FANK1: variants seen among roughly 807,000 people sequenced by gnomAD.
FANK1 encodes fibronectin type III and ankyrin repeat domains 1, also known as fibronectin type 3 and ankyrin repeat domains protein 1.
A neutral mutation model predicts 45.3 loss-of-function variants in FANK1; 44 were observed. The ratio of observed to expected loss-of-function variants is 0.97; its 90% CI spans 0.76 to 1.25. The LOEUF (loss-of-function observed/expected upper bound fraction) is 1.25, where lower values mean the gene tolerates loss of function less well. FANK1 is among the 50% of genes most tolerant of loss of function. The pLI is 0.00. For synonymous variants in FANK1, 149 were observed against 152.5 expected, an observed-to-expected ratio of 0.98 and a Z score of 0.17; for missense variants, 391 against 424.4, an observed-to-expected ratio of 0.92 and a Z score of 0.69.
At chr10:125,990,333 A>G (rs754773750) in intron 3 of FANK1, among the ~76,000 whole-genome samples, 3 of 152,162 alleles carry the variant, frequency 2.0e-5, no homozygotes, top group African/African-American at 4.8e-5. Context: ...GTTCAAGGCT[A>G]CAGTGAGCTA....
At position 125,970,328 on chromosome 10, in the gene FANK1, C is replaced by T. The variant is rs575719123; in HGVS notation, c.14-9833C>T. 3.4e-4 allele frequency among the ~76,000 whole-genome samples: 52 copies of T among 151,252 alleles called. 1 individual carries two copies. The highest frequency in any genetic ancestry group is 6.3e-4 in the African/African-American group (26 of 41,238). ...AGACGGGGCGGCGGCCGGGCGGAGG[C>T]GCTCCTCACCTCCCAGATGGGGCGG... On this transcript the variant is annotated intron_variant, in intron 1 of 10. Coordinates refer to ENST00000368693, the MANE Select transcript of FANK1 (RefSeq NM_145235.5).
intron 1 of FANK1, among the ~76,000 whole-genome samples, chr10:125,923,809 C>A (rs78888248): frequency 7.4e-6 from 1 of 134,670 alleles, no homozygotes; most frequent in Non-Finnish European, 1.6e-5. Context: ...ATTACAGGTG[C>A]GAGCCATCGT....
chr10:125,949,412 TCAG>T (rs1430609121), intron 1 of FANK1, among the ~76,000 whole-genome samples: 1 of 152,144 alleles, frequency 6.6e-6, no homozygotes, highest in Non-Finnish European at 1.5e-5. Flanking sequence ...ATAAACAACT[TCAG>T]CAAAGTCTCA....
At chr10:125,981,089 CAGTG>C (rs1407268674) in intron 2 of FANK1, among the ~76,000 whole-genome samples, 6 of 152,214 alleles carry the variant, frequency 3.9e-5, no homozygotes, top group Non-Finnish European at 2.9e-5. Flanking sequence ...GTATTAAACT[CAGTG>C]AGAGACAAAT....
At chr10:125,927,531 A>G (rs796498768) in intron 1 of FANK1, among the ~76,000 whole-genome samples, 5 of 151,438 alleles carry the variant, frequency 3.3e-5, no homozygotes, top group East Asian at 1.9e-4. Flanking sequence ...GCTTGGGTCC[A>G]TTATGAGTAA....
chr10:125,946,546 G>A (rs1201885620), intron 1 of FANK1, among the ~76,000 whole-genome samples: 1 of 151,706 alleles, frequency 6.6e-6, no homozygotes, highest in Non-Finnish European at 1.5e-5. Flanking sequence ...AGTGAGAAGG[G>A]AAGTTTAGAG....
At chr10:125,927,864 A>T (rs1234774348) in intron 1 of FANK1, among the ~76,000 whole-genome samples, 1 of 152,052 alleles carries the variant, frequency 6.6e-6, no homozygotes, top group East Asian at 1.9e-4. Flanking sequence ...TCTTGTACTT[A>T]CCTTTTGGTG....
At chr10:125,987,132 C>T (rs1338727443) in intron 2 of FANK1, among the ~76,000 whole-genome samples, 1 of 151,808 alleles carries the variant, frequency 6.6e-6, no homozygotes, top group East Asian at 1.9e-4. Flanking sequence ...TTGACTGCCC[C>T]TTTTCTTGGA....
intron 1 of FANK1, among the ~76,000 whole-genome samples, chr10:125,906,515 C>CAA (rs34132526): frequency 0.01 from 469 of 46,378 alleles, 30 homozygotes; most frequent in African/African-American, 0.019. Flanking sequence ...GACTCTGTCT[C>CAA]AAAAAAAAAA....
At chr10:125,989,710 A>G (rs990906146) in intron 3 of FANK1, among the ~76,000 whole-genome samples, 1 of 152,230 alleles carries the variant, frequency 6.6e-6, no homozygotes, top group Non-Finnish European at 1.5e-5. Flanking sequence ...TCGTTCCTTC[A>G]TCCGACAGTG....
intron 1 of FANK1, among the ~76,000 whole-genome samples, chr10:125,929,847 GTACACCCTAT>G (rs1321803819): frequency 3.3e-5 from 5 of 152,076 alleles, no homozygotes; most frequent in Non-Finnish European, 2.9e-5. Flanking sequence ...TCTACTTGAG[GTACACCCTAT>G]GTAAATGAAG....
intron 2 of FANK1, among the ~76,000 whole-genome samples, chr10:125,984,708 A>C (rs911726676): frequency 3.9e-5 from 6 of 152,206 alleles, no homozygotes; most frequent in African/African-American, 1.4e-4. Flanking sequence ...AAGTCTGGTA[A>C]CTGAGTCTTG....
At chr10:125,935,298 C>T (rs946853472) in intron 1 of FANK1, among the ~76,000 whole-genome samples, 5 of 152,288 alleles carry the variant, frequency 3.3e-5, no homozygotes, top group African/African-American at 1.2e-4. Context: ...AGGCAGGGGC[C>T]GCATCTGAGC....
At chr10:125,928,261 C>CT (rs34889746) in intron 1 of FANK1, among the ~76,000 whole-genome samples, 31,340 of 137,318 alleles carry the variant, frequency 0.23, 3,748 homozygotes, top group East Asian at 0.35. Flanking sequence ...TTATTCGTGC[C>CT]TTTTTTTTTT....
At chr10:125,927,972 G>A (rs1589895983) in intron 1 of FANK1, among the ~76,000 whole-genome samples, 1 of 152,122 alleles carries the variant, frequency 6.6e-6, no homozygotes, top group South Asian at 2.1e-4. Context: ...ATTTTGCAGT[G>A]GCTATATCAG....
intron 1 of FANK1, among the ~76,000 whole-genome samples, chr10:125,976,711 C>T (rs540291732): frequency 6.6e-6 from 1 of 152,242 alleles, no homozygotes; most frequent in African/African-American, 2.4e-5. Flanking sequence ...CAGTCTCTGC[C>T]TCCCAGGTTC....
At chr10:125,909,357 A>G (rs914239938) in intron 1 of FANK1, among the ~76,000 whole-genome samples, 3 of 152,160 alleles carry the variant, frequency 2.0e-5, no homozygotes, top group Non-Finnish European at 4.4e-5. Flanking sequence ...ACTGTTTTCA[A>G]AGAAACAGCT....
chr10:125,909,845 CTTTGT>C (rs1302855082), intron 1 of FANK1, among the ~76,000 whole-genome samples: 1 of 151,768 alleles, frequency 6.6e-6, no homozygotes, highest in Non-Finnish European at 1.5e-5. Context: ...TTTTTTAGTA[CTTTGT>C]TTTGTTTTCA....
At chr10:125,944,066 C>T (rs1948618863) in intron 1 of FANK1, among the ~76,000 whole-genome samples, 1 of 152,204 alleles carries the variant, frequency 6.6e-6, no homozygotes, top group Non-Finnish European at 1.5e-5. Flanking sequence ...AAAGACAAAA[C>T]TGCGTTTGAA....
Sources: allele counts gnomAD v4.1 joint callset (sites outside exome capture counted in the v4.1 genomes callset), GRCh38; gene constraint gnomAD v4.1.1; transcripts MANE v1.5; gene names NCBI Gene and HGNC (gene_info 2026-07-23, HGNC 2026-07-21).